The following MOB3B variants were observed in gnomAD, a reference collection of about 807,000 sequenced individuals.
The protein encoded by MOB3B is MOB kinase activator-like 2B.
A neutral mutation model predicts 18.7 loss-of-function variants in MOB3B; 7 were observed. The ratio of observed to expected loss-of-function variants is 0.37; its 90% CI spans 0.21 to 0.70. The LOEUF (loss-of-function observed/expected upper bound fraction) is 0.70, where lower values mean the gene tolerates loss of function less well. Ranked by LOEUF, MOB3B falls within the 30% of genes least tolerant of loss-of-function variation. The pLI, the probability that MOB3B is intolerant of heterozygous loss-of-function variation, is 0.52. For missense variants in MOB3B, 253 were observed against 281.3 expected, an observed-to-expected ratio of 0.90 and a Z score of 0.72; for synonymous variants, 111 against 99.9, an observed-to-expected ratio of 1.11 and a Z score of -0.66.
At chr9:27,527,799 G>T (rs1820458916) in intron 1 of MOB3B, among the ~76,000 whole-genome samples, 1 of 152,186 alleles carries the variant, frequency 6.6e-6, no homozygotes, top group Non-Finnish European at 1.5e-5. Context: ...CAACTCGCTG[G>T]GCACCATCTG....
At chr9:27,484,622 T>G (rs562469913) in intron 1 of MOB3B, among the ~76,000 whole-genome samples, 203 of 152,296 alleles carry the variant, frequency 1.3e-3, no homozygotes, top group African/African-American at 4.6e-3. Context: ...CATAAAGGCT[T>G]CATGAATAGC....
intron 1 of MOB3B, among the ~76,000 whole-genome samples, chr9:27,489,603 G>GATA (rs1273125074): frequency 6.6e-6 from 1 of 152,182 alleles, no homozygotes; most frequent in African/African-American, 2.4e-5. Context: ...CTAATCGGAA[G>GATA]ATAAAGGCTA....
At chr9:27,333,821 G>A (rs1051712485) in intron 3 of MOB3B, among the ~76,000 whole-genome samples, 2 of 152,126 alleles carry the variant, frequency 1.3e-5, no homozygotes, top group African/African-American at 4.8e-5. Flanking sequence ...ATCCTCTGAA[G>A]CCTGTCAAAG....
chr9:27,393,397 G>GT (rs1491439565), intron 2 of MOB3B, among the ~76,000 whole-genome samples: 48 of 150,320 alleles, frequency 3.2e-4, no homozygotes, highest in Non-Finnish European at 6.5e-4. Context: ...GTGTGTGTGT[G>GT]TAACAGAGAG....
chr9:27,357,921 A>T (rs962561946), intron 3 of MOB3B, among the ~76,000 whole-genome samples: 1 of 132,502 alleles, frequency 7.5e-6, no homozygotes, highest in African/African-American at 2.9e-5. Context: ...AAAAAAAAAA[A>T]TAGCCATGCC....
intron 3 of MOB3B, among the ~76,000 whole-genome samples, chr9:27,339,837 A>G (rs1388013654): frequency 6.6e-6 from 1 of 152,242 alleles, no homozygotes; most frequent in Non-Finnish European, 1.5e-5. Flanking sequence ...CCACGGGAGT[A>G]GGGACTCGGC....
chr9:27,523,226 G>C (rs185937747), intron 1 of MOB3B, among the ~76,000 whole-genome samples: 10 of 152,008 alleles, frequency 6.6e-5, no homozygotes, highest in African/African-American at 2.4e-4. Flanking sequence ...TCAGAGGAAG[G>C]TTATTTGGTC....
intron 2 of MOB3B, among the ~76,000 whole-genome samples, chr9:27,454,173 C>A (rs2131447896): frequency 6.6e-6 from 1 of 152,322 alleles, no homozygotes; most frequent in Non-Finnish European, 1.5e-5. Context: ...CTCAACTTTC[C>A]AGGTGCTATG....
At chr9:27,439,889 C>T (rs1822567326) in intron 2 of MOB3B, among the ~76,000 whole-genome samples, 1 of 152,008 alleles carries the variant, frequency 6.6e-6, no homozygotes, top group Non-Finnish European at 1.5e-5. Context: ...TCAGTTCCCT[C>T]ATTGGGAAAA....
intron 1 of MOB3B, among the ~76,000 whole-genome samples, chr9:27,497,554 T>A (rs1203192620): frequency 6.6e-6 from 1 of 152,006 alleles, no homozygotes; most frequent in Non-Finnish European, 1.5e-5. Context: ...CAGAACTTAC[T>A]AATAATTATG....
chr9:27,418,375 A>T (rs1345485784), intron 2 of MOB3B, among the ~76,000 whole-genome samples: 1 of 152,086 alleles, frequency 6.6e-6, no homozygotes, highest in Non-Finnish European at 1.5e-5. Context: ...AGGAAAAAAT[A>T]TAACCAAAAA....
intron 2 of MOB3B, chr9:27,394,379 T>C (rs977508392): frequency 1.3e-5 from 2 of 151,716 alleles, no homozygotes; most frequent in African/African-American, 4.8e-5. Context: ...CTGTAAGCTG[T>C]AAAAACATTT....
chr9:27,378,708 TTGCATG>T (rs1821528774), intron 2 of MOB3B: 1 of 470,798 alleles, frequency 2.1e-6, no homozygotes, highest in South Asian at 1.5e-5. Flanking sequence ...TCTTTGAGTA[TTGCATG>T]TGCATGGGCA....
intron 3 of MOB3B, among the ~76,000 whole-genome samples, chr9:27,342,544 C>T (rs1307407466): frequency 6.6e-6 from 1 of 152,040 alleles, no homozygotes; most frequent in East Asian, 1.9e-4. Flanking sequence ...CTGCCGCCAT[C>T]TTGGCTCACC....
intron 2 of MOB3B, among the ~76,000 whole-genome samples, chr9:27,449,271 T>C (rs1427804232): frequency 6.6e-6 from 1 of 152,264 alleles, no homozygotes; most frequent in Non-Finnish European, 1.5e-5. Context: ...GCACATTTTA[T>C]TTTACTGAGG....
intron 1 of MOB3B, among the ~76,000 whole-genome samples, chr9:27,519,357 A>G (rs571996556): frequency 6.6e-6 from 1 of 152,194 alleles, no homozygotes; most frequent in Non-Finnish European, 1.5e-5. Flanking sequence ...TAGATTTTTA[A>G]TATCATCTCC....
intron 1 of MOB3B, among the ~76,000 whole-genome samples, chr9:27,466,131 T>C (rs118112415): frequency 3.7e-3 from 566 of 152,346 alleles, no homozygotes; most frequent in Non-Finnish European, 6.1e-3. Context: ...GTTTCTCTTT[T>C]AAAACAGAAT....
At position 27,438,922 on chromosome 9, in the gene MOB3B, T is replaced by C. The variant is rs190647684; in HGVS notation, c.418+16211A>G. Among the ~76,000 whole-genome samples the C allele has an allele frequency of 6.2e-3, 948 of 152,276 alleles. 7 individuals are homozygous for C. The highest frequency in any genetic ancestry group is 9.4e-3 in the Non-Finnish European group (637 of 68,016). On this transcript the variant is annotated intron_variant, in intron 2 of 3. Transcript: ENST00000262244. Reference sequence around the variant, plus strand: ...CAAGTCCAGGAACCTACCACTGACCTTACCTGTTGAAAGAGACTTAGGGCC... The same window carrying C: ...CAAGTCCAGGAACCTACCACTGACCCTACCTGTTGAAAGAGACTTAGGGCC...
intron 2 of MOB3B, chr9:27,378,768 A>T (rs767630740): frequency 9.5e-5 from 42 of 442,954 alleles, no homozygotes; most frequent in Non-Finnish European, 1.8e-4. Context: ...TGAAGGTCTT[A>T]TCACACAGGG....
Sources: gnomAD v4.1 joint callset for allele counts (sites outside exome capture counted in the v4.1 genomes callset) on GRCh38, gnomAD v4.1.1 for gene constraint, MANE v1.5 for transcripts, NCBI Gene and HGNC (gene_info 2026-07-23, HGNC 2026-07-21) for gene names.